UNC5D: variants seen among roughly 807,000 people sequenced by gnomAD.
UNC5D encodes the protein unc-5 netrin receptor D.
In UNC5D, 39 loss-of-function variants were observed where a neutral mutation model predicts 105.4. The ratio of observed to expected loss-of-function variants is 0.37; its 90% CI spans 0.29 to 0.48. UNC5D has a LOEUF of 0.48. UNC5D is among the 20% of genes least tolerant of loss of function. The probability of loss-of-function intolerance (pLI) is 0.98; values close to 1 mark genes in which losing one functional copy is unlikely to be tolerated. For synonymous variants in UNC5D, 452 were observed against 450.4 expected (o/e 1.00, Z -0.04); for missense variants, 991 against 1,202.4 (o/e 0.82, Z 2.60).
chr8:35,647,165 A>G (rs1198119512), intron 4 of UNC5D, among the ~76,000 whole-genome samples: 1 of 152,182 alleles, frequency 6.6e-6, no homozygotes, highest in East Asian at 1.9e-4. Flanking sequence ...TCAAAAGAAA[A>G]TGTCTTGTGT....
chr8:35,737,868 A>G (rs1300116886), intron 11 of UNC5D, among the ~76,000 whole-genome samples: 1 of 152,176 alleles, frequency 6.6e-6, no homozygotes, highest in African/African-American at 2.4e-5. Flanking sequence ...GCACTTTGGG[A>G]GGCCGAGGTG....
intron 1 of UNC5D, among the ~76,000 whole-genome samples, chr8:35,280,341 G>C (rs1475665645): frequency 6.6e-6 from 1 of 152,188 alleles, no homozygotes; most frequent in African/African-American, 2.4e-5. Flanking sequence ...AAATACCTGT[G>C]ATGAAGGGTC....
At chr8:35,769,471 T>C (rs1256829284) in intron 15 of UNC5D, among the ~76,000 whole-genome samples, 1 of 152,164 alleles carries the variant, frequency 6.6e-6, no homozygotes, top group Non-Finnish European at 1.5e-5. Flanking sequence ...AACTGGGAAG[T>C]TCTTTCTTCA....
intron 4 of UNC5D, among the ~76,000 whole-genome samples, chr8:35,620,148 C>T (rs971031787): frequency 1.3e-5 from 2 of 152,334 alleles, no homozygotes; most frequent in African/African-American, 2.4e-5. Context: ...ACTTCCAGAA[C>T]GATTTGACAA....
At position 35,726,291 on chromosome 8, in the gene UNC5D, C is replaced by T. The variant is rs1321679532; in HGVS notation, c.1443C>T (p.Ile481=). 1 of 1,614,060 alleles carries T rather than the reference C, an allele frequency of 6.2e-7. No homozygotes were observed. Among genetic ancestry groups the T allele is most frequent in the Non-Finnish European group, 8.5e-7 (1 of 1,179,992 alleles). Residue 481 remains isoleucine, a synonymous_variant, in exon 10 of 17, where the codon ATC becomes ATT. Coordinates refer to ENST00000404895, the MANE Select transcript of UNC5D (RefSeq NM_080872.4). ...ESSLFNPLSD[I]KVKVQSSFMV... is the part of the protein sequence containing the mutation. Reference sequence around the variant, plus strand: ...CACTCTTTAACCCTTTGTCGGACATCAAAGTGAAAGTCCAGAGCTCGTTCA... The same window carrying T: ...CACTCTTTAACCCTTTGTCGGACATTAAAGTGAAAGTCCAGAGCTCGTTCA...
intron 1 of UNC5D, among the ~76,000 whole-genome samples, chr8:35,308,770 T>C (rs1309495476): frequency 1.3e-5 from 2 of 152,210 alleles, no homozygotes; most frequent in African/African-American, 4.8e-5. Flanking sequence ...TAAGCACCTG[T>C]AAGCCTTTTT....
At chr8:35,568,893 A>G (rs920109574) in intron 3 of UNC5D, among the ~76,000 whole-genome samples, 7 of 152,170 alleles carry the variant, frequency 4.6e-5, no homozygotes, top group African/African-American at 1.7e-4. Flanking sequence ...CTTATGGGAA[A>G]AGTTGAGCAA....
intron 11 of UNC5D, among the ~76,000 whole-genome samples, chr8:35,746,899 G>T (rs1004504869): frequency 6.6e-6 from 1 of 152,124 alleles, no homozygotes; most frequent in African/African-American, 2.4e-5. Flanking sequence ...CCACATACAG[G>T]CTGCACATTT....
rs1339761560 is a variant in UNC5D at position 35,657,098 on chromosome 8, A to G, written c.571-26449A>G. 6.0e-4 allele frequency among the ~76,000 whole-genome samples: 68 copies of G among 113,400 alleles called. No individual in the cohort carries two copies. In the South Asian group the frequency reaches 9.5e-3, roughly 16 times the overall value. The allele number at this position is 113,400 out of a possible 152,430, so 74.4% of individuals were successfully genotyped here. On this transcript the variant is annotated intron_variant, in intron 4 of 16. Transcript: ENST00000404895. ...TGTGTGTGTATATATATATATATAT[A>G]TATATATATATATATATATATATAT...
chr8:35,389,398 G>A (rs1333418337), intron 1 of UNC5D, among the ~76,000 whole-genome samples: 4 of 152,120 alleles, frequency 2.6e-5, no homozygotes, highest in Admixed American at 2.0e-4. Flanking sequence ...TGAAGTTCAA[G>A]GTAATGCAGA....
At chr8:35,499,980 G>A (rs73589830) in intron 1 of UNC5D, among the ~76,000 whole-genome samples, 2,366 of 152,172 alleles carry the variant, frequency 0.016, 60 homozygotes, top group African/African-American at 0.053. Flanking sequence ...CTATCAAATT[G>A]GGAATAGTAA....
At chr8:35,712,711 G>A (rs531620556) in intron 8 of UNC5D, among the ~76,000 whole-genome samples, 2 of 152,160 alleles carry the variant, frequency 1.3e-5, no homozygotes, top group African/African-American at 2.4e-5. Context: ...TGTGGGGGCT[G>A]TACTGGCAAT....
At chr8:35,786,592 T>C (rs1586645351) in intron 16 of UNC5D, among the ~76,000 whole-genome samples, 1 of 152,190 alleles carries the variant, frequency 6.6e-6, no homozygotes, top group Non-Finnish European at 1.5e-5. Flanking sequence ...GGTTCTGTTA[T>C]TGCGTTTTTA....
chr8:35,792,023 A>T lies in UNC5D; in HGVS notation c.*1460A>T, dbSNP rs192602528. 2 of 152,266 alleles carry T rather than the reference A, an allele frequency of 1.3e-5. No individual in the cohort carries two copies. Among genetic ancestry groups the T allele is most frequent in the East Asian group, 3.9e-4 (2 of 5,180 alleles). The allele number at this position is 152,266 out of a possible 1,614,324, so 9.4% of individuals were successfully genotyped here. A position where few individuals can be genotyped will look rare whatever the true frequency, so the allele number is the denominator to read the frequency against. The stretch of plus-strand genomic sequence containing the variant: ...GTGGATATTTTAACTTGCTATTCAC[A>T]ATCAGGACAACCAAAGTCAAGGACC... On this transcript the variant is annotated 3_prime_UTR_variant, in exon 17 of 17. Transcript: ENST00000404895.
chr8:35,486,837 C>T (rs552277807), intron 1 of UNC5D, among the ~76,000 whole-genome samples: 2 of 152,034 alleles, frequency 1.3e-5, no homozygotes, highest in Non-Finnish European at 2.9e-5. Flanking sequence ...ATAGAAGAAG[C>T]CTTTTCTTCT....
chr8:35,273,345 TA>T (rs1805553048), intron 1 of UNC5D, among the ~76,000 whole-genome samples: 1 of 152,188 alleles, frequency 6.6e-6, no homozygotes, highest in Non-Finnish European at 1.5e-5. Context: ...AACACACACA[TA>T]AATAACTGTG....
At chr8:35,725,171 A>G (rs1828792820) in intron 9 of UNC5D, among the ~76,000 whole-genome samples, 1 of 152,176 alleles carries the variant, frequency 6.6e-6, no homozygotes, top group South Asian at 2.1e-4. Flanking sequence ...ATCATACTTT[A>G]AACATTTTTG....
At chr8:35,616,719 T>C (rs918389242) in intron 4 of UNC5D, among the ~76,000 whole-genome samples, 1 of 152,096 alleles carries the variant, frequency 6.6e-6, no homozygotes, top group Non-Finnish European at 1.5e-5. Flanking sequence ...CAACATAGGG[T>C]TTTTCAAAAA....
intron 1 of UNC5D, among the ~76,000 whole-genome samples, chr8:35,539,104 A>G (rs1815083030): frequency 6.6e-6 from 1 of 152,152 alleles, no homozygotes; most frequent in Non-Finnish European, 1.5e-5. Context: ...ATGAGGAGGT[A>G]ATACCATGAA....
Sources: allele counts gnomAD v4.1 joint callset (sites outside exome capture counted in the v4.1 genomes callset), GRCh38; gene constraint gnomAD v4.1.1; transcripts MANE v1.5; gene names NCBI Gene and HGNC (gene_info 2026-07-23, HGNC 2026-07-21).